Variants in PRDM15 observed in about 807,000 individuals in gnomAD.
PRDM15 encodes the protein PR/SET domain 15.
A neutral mutation model predicts 128.6 loss-of-function variants in PRDM15; 64 were observed. The observed-to-expected ratio is 0.50, with a 90% CI of 0.41 to 0.61. The LOEUF is 0.61. Among genes scored for constraint, PRDM15 ranks in the 20% least tolerant of loss-of-function variants. PRDM15 has a pLI of 0.00. For synonymous variants in PRDM15, 615 were observed against 621.8 expected (o/e 0.99, Z 0.16); for missense variants, 1,242 against 1,569.1 (o/e 0.79, Z 3.52).
Position 41,835,975 on chromosome 21 carries a change from TCTCCTCCCTCCC to T in PRDM15, c.1278+126_1278+137del. ...TCCCTCCCCCACAGCCCCCGCCCAC[TCTCCTCCCTCCC>T]CCACAGCCCCCGCCCACTCTCCTCC... On this transcript the variant is annotated intron_variant, in intron 10 of 23. Coordinates refer to ENST00000398548, the MANE Select transcript of PRDM15 (RefSeq NM_001040424.3). 2 of 159,728 alleles carry T rather than the reference TCTCCTCCCTCCC, an allele frequency of 1.3e-5. 1 individual carries two copies. The highest frequency in any genetic ancestry group is 2.5e-5 in the Non-Finnish European group (2 of 78,726). 9.9% of individuals were successfully genotyped at this position (159,728 alleles called of 1,614,324 possible). A position where few individuals can be genotyped will look rare whatever the true frequency, so the allele number is the denominator to read the frequency against.
Position 41,839,889 on chromosome 21 carries a change from G to A in PRDM15, c.641-36C>T, listed in dbSNP as rs768439409. The A allele has an allele frequency of 1.2e-5, 19 of 1,582,306 alleles. No individual in the cohort carries two copies. In the South Asian group the frequency reaches 2.1e-4, roughly 18 times the overall value. ...AGACGCGAATGCACCACACAATTAG[G>A]AAGCCTGCCACCGTCCACACCCACC... On this transcript the variant is annotated intron_variant, in intron 6 of 23. Coordinates refer to ENST00000398548, the MANE Select transcript of PRDM15 (RefSeq NM_001040424.3).
In PRDM15 at chr21:41,801,519, G is replaced by T. The variant is rs780074101; in HGVS notation, c.3147C>A (p.Ser1049Arg). 1.2e-6 allele frequency: 2 copies of T among 1,614,222 alleles called. No homozygotes were observed. The highest frequency in any genetic ancestry group is 2.2e-5 in the South Asian group (2 of 91,090). Residue 1049 changes from serine (S) to arginine (R), a missense_variant, in exon 24 of 24, where the codon AGC becomes AGA. By Grantham distance (110) the Ser-to-Arg change is moderately radical. Transcript: ENST00000398548. ...SILTVTFDTV[S>R]GSAMLHNRQN... ...GGCGGTTGTGCAACATGGCAGAGCC[G>T]CTGACGGTATCAAAGGTCACGGTCA...
chr21:41,878,610 A>C, intron 1 of PRDM15: 1 of 769,682 alleles, frequency 1.3e-6, no homozygotes, highest in Non-Finnish European at 1.9e-6. Context: ...GGCACGCGTC[A>C]CCTGTCCATC....
In PRDM15 at chr21:41,819,588, C is replaced by T. The variant is rs2062177079; in HGVS notation, c.2254G>A (p.Gly752Arg). The change falls in exon 18 of 24, where the codon GGG (glycine) becomes AGG (arginine). Residue 752 changes from glycine to arginine, a missense_variant. Coordinates refer to ENST00000398548, the MANE Select transcript of PRDM15 (RefSeq NM_001040424.3). Reference protein sequence around the residue: ...NVREYLCAECGKGMKTKHALR... With the variant: ...NVREYLCAECRKGMKTKHALR... ...CCCCAGCACCCGTACCCACCTTTCCCACACTCGGCACACAGGTACTCGCGG... is the reference window on the plus strand; with the variant it reads ...CCCCAGCACCCGTACCCACCTTTCCTACACTCGGCACACAGGTACTCGCGG... 1 of 1,612,546 alleles carries T rather than the reference C, an allele frequency of 6.2e-7. No homozygotes were observed. The highest frequency in any genetic ancestry group is 8.5e-7 in the Non-Finnish European group (1 of 1,179,702).
chr21:41,859,568 C>G lies in PRDM15; in HGVS notation c.131+24G>C, dbSNP rs371489161. 1.9e-6 allele frequency: 3 copies of G among 1,600,206 alleles called. No homozygotes were observed. In the Admixed American group the frequency reaches 5.0e-5, roughly 27 times the overall value. ...TGCCGCAGCTGGCATATGGAAGGCCCGGGAGCTCACGGCGGTCACTCACCT... is the reference window on the plus strand; with the variant it reads ...TGCCGCAGCTGGCATATGGAAGGCCGGGGAGCTCACGGCGGTCACTCACCT... On this transcript the variant is annotated intron_variant, in intron 3 of 23. Transcript: ENST00000398548. This position sits in a 1 kb window ranked among gnomAD's most constrained non-coding sequence, Gnocchi z 5.3.
rs565754522 is a variant in PRDM15, at chr21:41,837,884, G to T, written c.1001+50C>A. The T allele has an allele frequency of 1.3e-5, 21 of 1,608,688 alleles. No individual in the cohort carries two copies. The African/African-American group carries it at 2.7e-4, about 20-fold the overall frequency. On this transcript the variant is annotated intron_variant, in intron 8 of 23. Coordinates refer to ENST00000398548, the MANE Select transcript of PRDM15 (RefSeq NM_001040424.3). Reference sequence around the variant, plus strand: ...TTCCCTCCAGAATGGCCTGGCTGCTGCCAGCATTGTCTGTCCACAGGACGG... The same window carrying T: ...TTCCCTCCAGAATGGCCTGGCTGCTTCCAGCATTGTCTGTCCACAGGACGG...
Position 41,810,390 on chromosome 21 carries a change from T to C in PRDM15, c.2477-61A>G, listed in dbSNP as rs1199568501. On this transcript the variant is annotated intron_variant, in intron 20 of 23. Transcript: ENST00000398548. This position sits in a 1 kb window ranked among gnomAD's most constrained non-coding sequence, Gnocchi z 6.4. ...AAGGAAGAGACACGCAGGTCACTAG[T>C]GCAGCCATCCCAATGACCCTGGCCT... 9.7e-6 allele frequency: 15 copies of C among 1,542,198 alleles called. No individual in the cohort carries two copies. Among genetic ancestry groups the C allele is most frequent in the Admixed American group, 7.2e-5 (4 of 55,750 alleles).
chr21:41,878,732 A>G (rs771748117), intron 1 of PRDM15: 3 of 1,568,438 alleles, frequency 1.9e-6, no homozygotes, highest in Non-Finnish European at 2.6e-6. Flanking sequence ...TTGGGGGTCC[A>G]GGGACCCCCC....
intron 6 of PRDM15, among the ~76,000 whole-genome samples, chr21:41,845,945 C>T (rs1055908622): frequency 8.6e-5 from 13 of 152,016 alleles, no homozygotes; most frequent in Non-Finnish European, 1.6e-4. Context: ...ACAAACGCGG[C>T]GTTTCTAGAA....
At chr21:41,855,453 G>T (rs912561296) in intron 4 of PRDM15, among the ~76,000 whole-genome samples, 1 of 152,106 alleles carries the variant, frequency 6.6e-6, no homozygotes, top group Non-Finnish European at 1.5e-5. Flanking sequence ...TGATGTCATG[G>T]TCTCTTCCTC....
In PRDM15 at chr21:41,849,067, T is replaced by C. The variant is rs145665113; in HGVS notation, c.539-1876A>G. On this transcript the variant is annotated intron_variant, in intron 5 of 23. Transcript: ENST00000398548. ...ACACAAAGAAAAGTAAGCAGTAAGA[T>C]GGGAGGTGCAGCTAGAGCTCCGCTA... 4.7e-4 allele frequency among the ~76,000 whole-genome samples: 72 copies of C among 152,244 alleles called. No homozygotes were observed. In the East Asian group the frequency reaches 0.013, roughly 28 times the overall value.
At chr21:41,835,317 A>T (rs906542310) in intron 11 of PRDM15, 120 bp downstream of exon 11, 20 of 806,386 alleles carry the variant, frequency 2.5e-5, no homozygotes, top group Non-Finnish European at 4.1e-5. Flanking sequence ...AAATGTTAAA[A>T]GTGAGGCTGT....
intron 21 of PRDM15, among the ~76,000 whole-genome samples, chr21:41,806,012 C>T (rs1476333847): frequency 2.0e-4 from 8 of 40,990 alleles, no homozygotes; most frequent in Non-Finnish European, 2.9e-4. Flanking sequence ...ACCATCACCA[C>T]CACCATCACC....
chr21:41,869,201 C>T (rs1238416804), intron 1 of PRDM15, among the ~76,000 whole-genome samples: 1 of 152,154 alleles, frequency 6.6e-6, no homozygotes, highest in Non-Finnish European at 1.5e-5. Context: ...TGGACCTTCC[C>T]TTTCACAGAC....
At chr21:41,816,024 G>A (rs902979125) in intron 18 of PRDM15, among the ~76,000 whole-genome samples, 188 bp from the exon 19 acceptor site, 5 of 152,238 alleles carry the variant, frequency 3.3e-5, no homozygotes, top group African/African-American at 7.2e-5. Context: ...CCCAGAGGCC[G>A]GGAGGGACTG....
At chr21:41,834,403 C>A (rs1054816999) in intron 11 of PRDM15, 1 of 1,094,296 alleles carries the variant, frequency 9.1e-7, no homozygotes, top group African/African-American at 1.5e-5. Context: ...GTGCCCTGTT[C>A]TCAACACAGG....
At chr21:41,875,619 A>G (rs2064385721) in intron 1 of PRDM15, among the ~76,000 whole-genome samples, 1 of 152,232 alleles carries the variant, frequency 6.6e-6, no homozygotes, top group African/African-American at 2.4e-5. Context: ...CACACGAACA[A>G]GCTCTTCTTA....
rs1043538019 is a variant in PRDM15, at chr21:41,802,744, C to T, written c.2911G>A (p.Glu971Lys). The T allele has an allele frequency of 3.1e-6, 5 of 1,614,196 alleles. No individual in the cohort carries two copies. The highest frequency in any genetic ancestry group is 4.2e-6 in the Non-Finnish European group (5 of 1,180,028). The change falls in exon 23 of 24, where the codon GAG becomes AAG. Residue 971 changes from glutamate to lysine, a missense_variant. Physicochemically the swap from Glu to Lys is moderately conservative, Grantham distance 56. Around this residue, in one of 3 missense-constraint regions of PRDM15, gnomAD observed 602 missense variants for 788.3 expected, o/e 0.76. Transcript: ENST00000398548. ...ATGCTCTGTACTGCGGAATTGGTCT[C>T]GTCGCCTACACTGCCTGTGAACTCC... is the stretch of plus-strand genomic sequence containing the variant. The part of the protein sequence containing the change: ...ETEFTGSVGD[E>K]TNSAVQSIQQ...
chr21:41,842,692 T>C (rs911060870), intron 6 of PRDM15, among the ~76,000 whole-genome samples: 2 of 152,142 alleles, frequency 1.3e-5, no homozygotes, highest in Non-Finnish European at 2.9e-5. Context: ...GGTTTCACCA[T>C]GTTGGCCAGG....
Sources: allele counts gnomAD v4.1 joint callset (sites outside exome capture counted in the v4.1 genomes callset), GRCh38; gene constraint gnomAD v4.1.1; regional missense constraint gnomAD v4.1.1; non-coding constraint Gnocchi (gnomAD v3.1); transcripts MANE v1.5; gene names NCBI Gene and HGNC (gene_info 2026-07-23, HGNC 2026-07-21).